Variants in SLC35F4 observed in about 807,000 individuals in gnomAD.
The protein encoded by SLC35F4 is chromosome 14 open reading frame 36.
A neutral mutation model predicts 44.2 loss-of-function variants in SLC35F4; 24 were observed. The observed-to-expected ratio is 0.54, with a 90% CI of 0.39 to 0.76. SLC35F4 has a LOEUF of 0.76. SLC35F4 is among the 30% of genes least tolerant of loss of function. The probability of loss-of-function intolerance (pLI) is 0.00; values close to 1 mark genes in which losing one functional copy is unlikely to be tolerated. For synonymous variants in SLC35F4, 238 were observed against 223.6 expected, an observed-to-expected ratio of 1.06 and a Z score of -0.57; for missense variants, 562 against 586.1, an observed-to-expected ratio of 0.96 and a Z score of 0.42.
chr14:57,899,708 G>C (rs926337386), intron 1 of SLC35F4, among the ~76,000 whole-genome samples: 3 of 152,134 alleles, frequency 2.0e-5, no homozygotes, highest in African/African-American at 7.2e-5. Context: ...CCTGTCTCTG[G>C]GCCCCACTTT....
chr14:57,701,074 C>T (rs776002756), intron 1 of SLC35F4, among the ~76,000 whole-genome samples: 71 of 152,124 alleles, frequency 4.7e-4, no homozygotes, highest in Non-Finnish European at 3.2e-4. Context: ...TGGGTTCAAG[C>T]AGTACTCCCA....
chr14:57,808,752 G>A (rs982743160), intron 1 of SLC35F4, among the ~76,000 whole-genome samples: 2 of 152,196 alleles, frequency 1.3e-5, no homozygotes, highest in African/African-American at 4.8e-5. Context: ...GCTGCAGTGA[G>A]CCACGATGGC....
At chr14:57,941,994 G>T (rs1358875746) in intron 1 of SLC35F4, among the ~76,000 whole-genome samples, 3 of 152,196 alleles carry the variant, frequency 2.0e-5, no homozygotes, top group African/African-American at 4.8e-5. Context: ...GCATCTGTGG[G>T]CTGCAAAGTC....
In SLC35F4 at chr14:57,600,624, G is replaced by A. The variant is rs2070758684; in HGVS notation, c.104-6500C>T. ...GGAGAATGGCGTGAACCCGGGAGGC[G>A]GAGCTTGCAGTGAGCCGAGATCCCG... On this transcript the variant is annotated intron_variant, in intron 1 of 7. Transcript: ENST00000556826. 3.6e-5 allele frequency among the ~76,000 whole-genome samples: 5 copies of A among 138,302 alleles called. No individual in the cohort carries two copies. In the South Asian group the frequency reaches 9.7e-4, roughly 27 times the overall value. The allele number at this position is 138,302 out of a possible 152,430, so 90.7% of individuals were successfully genotyped here. A position where few individuals can be genotyped will look rare whatever the true frequency, so the allele number is the denominator to read the frequency against.
At chr14:57,593,407 G>A (rs776006593) in intron 2 of SLC35F4, among the ~76,000 whole-genome samples, 2 of 152,184 alleles carry the variant, frequency 1.3e-5, no homozygotes, top group Non-Finnish European at 2.9e-5. Flanking sequence ...GTGGTCAGGT[G>A]GATGTGAGGA....
At chr14:57,738,385 T>C (rs1250116663) in intron 1 of SLC35F4, among the ~76,000 whole-genome samples, 2 of 152,096 alleles carry the variant, frequency 1.3e-5, no homozygotes, top group African/African-American at 4.8e-5. Flanking sequence ...TCTCATGAAC[T>C]TCCCAGGACC....
intron 3 of SLC35F4, among the ~76,000 whole-genome samples, chr14:57,586,156 G>T (rs377194738): frequency 1.3e-5 from 2 of 152,204 alleles, no homozygotes; most frequent in East Asian, 3.9e-4. Context: ...CAGAACAGAG[G>T]CCTCAGAAAT....
chr14:57,828,103 T>C (rs148966217), intron 1 of SLC35F4, among the ~76,000 whole-genome samples: 178 of 152,284 alleles, frequency 1.2e-3, no homozygotes, highest in African/African-American at 4.0e-3. Flanking sequence ...AAGCATGCAC[T>C]TTGCAATAAG....
chr14:57,820,740 T>C (rs1883090652), intron 1 of SLC35F4, among the ~76,000 whole-genome samples: 1 of 152,176 alleles, frequency 6.6e-6, no homozygotes, highest in South Asian at 2.1e-4. Flanking sequence ...CCTCTGAGGA[T>C]TGTATTTTTA....
intron 1 of SLC35F4, among the ~76,000 whole-genome samples, chr14:57,677,363 T>C (rs1039298631): frequency 4.0e-5 from 6 of 151,772 alleles, no homozygotes; most frequent in African/African-American, 1.5e-4. Flanking sequence ...ACTAAAGACC[T>C]TATCCATGTA....
intron 1 of SLC35F4, among the ~76,000 whole-genome samples, chr14:57,900,449 C>G (rs1465511174): frequency 1.3e-5 from 2 of 152,190 alleles, no homozygotes; most frequent in African/African-American, 4.8e-5. Flanking sequence ...TTCCCACACA[C>G]AACCTGGACC....
At chr14:57,724,823 C>T (rs1393189686) in intron 1 of SLC35F4, among the ~76,000 whole-genome samples, 1 of 152,234 alleles carries the variant, frequency 6.6e-6, no homozygotes, top group Middle Eastern at 3.4e-3. Context: ...TGAAGGACAG[C>T]GATGAAAGGA....
chr14:57,925,491 A>AAGGAAGGG (rs1407930760), intron 1 of SLC35F4, among the ~76,000 whole-genome samples: 1 of 82,448 alleles, frequency 1.2e-5, no homozygotes, highest in East Asian at 3.8e-4. Context: ...GGAAGGAAGG[A>AAGGAAGGG]AGGAAGGGAG....
intron 1 of SLC35F4, among the ~76,000 whole-genome samples, chr14:57,770,237 G>C (rs191285077): frequency 6.6e-6 from 1 of 152,188 alleles, no homozygotes; most frequent in South Asian, 2.1e-4. Flanking sequence ...CCGAGGTCAC[G>C]GGGCTCTTCC....
intron 1 of SLC35F4, among the ~76,000 whole-genome samples, chr14:57,952,993 C>G (rs1289581169): frequency 6.6e-6 from 1 of 152,004 alleles, no homozygotes; most frequent in Non-Finnish European, 1.5e-5. Context: ...TCATCAGATT[C>G]ACCAAGGTTG....
intron 1 of SLC35F4, among the ~76,000 whole-genome samples, chr14:57,725,018 T>C (rs545392973): frequency 3.9e-5 from 6 of 152,290 alleles, no homozygotes; most frequent in African/African-American, 1.4e-4. Flanking sequence ...GGGGAAGAGA[T>C]AAGTGGATGG....
At chr14:57,860,352 G>A (rs1814049964) in intron 1 of SLC35F4, among the ~76,000 whole-genome samples, 1 of 152,172 alleles carries the variant, frequency 6.6e-6, no homozygotes, top group Admixed American at 6.5e-5. Flanking sequence ...AGAGGCAACT[G>A]TTTACCAAAG....
At chr14:57,753,600 C>A (rs925534453) in intron 1 of SLC35F4, among the ~76,000 whole-genome samples, 4 of 152,190 alleles carry the variant, frequency 2.6e-5, no homozygotes. Context: ...TCCCACAACT[C>A]TCAAACTTCA....
intron 1 of SLC35F4, among the ~76,000 whole-genome samples, chr14:57,835,560 A>T (rs1212282389): frequency 6.6e-6 from 1 of 152,194 alleles, no homozygotes; most frequent in Non-Finnish European, 1.5e-5. Context: ...AATGTGACTG[A>T]CAAGAAAGAG....
Sources: gnomAD v4.1 joint callset for allele counts (sites outside exome capture counted in the v4.1 genomes callset) on GRCh38, gnomAD v4.1.1 for gene constraint, MANE v1.5 for transcripts, NCBI Gene and HGNC (gene_info 2026-07-23, HGNC 2026-07-21) for gene names.